Variants in LPCAT1 observed in about 807,000 individuals in gnomAD.
LPCAT1 encodes lysophosphatidylcholine acyltransferase 1.
A neutral mutation model predicts 60.9 loss-of-function variants in LPCAT1; 23 were observed. That is an observed-to-expected ratio of 0.38 (90% CI 0.27 to 0.53). The LOEUF (loss-of-function observed/expected upper bound fraction) is 0.53, where lower values mean the gene tolerates loss of function less well. Among genes scored for constraint, LPCAT1 ranks in the 20% least tolerant of loss-of-function variants. The probability of loss-of-function intolerance (pLI) is 0.82; values close to 1 mark genes in which losing one functional copy is unlikely to be tolerated. For synonymous variants in LPCAT1, 340 were observed against 301.1 expected (o/e 1.13, Z -1.34); for missense variants, 622 against 723.6 (o/e 0.86, Z 1.61).
At chr5:1,514,943 A>G (rs1736461518) in intron 1 of LPCAT1, among the ~76,000 whole-genome samples, 1 of 152,214 alleles carries the variant, frequency 6.6e-6, no homozygotes, top group Non-Finnish European at 1.5e-5. Flanking sequence ...CTGAGTAAAA[A>G]GAATCCTGAA....
chr5:1,476,645 C>G lies in LPCAT1; in HGVS notation c.899+759G>C, dbSNP rs1030260367. On this transcript the variant is annotated intron_variant, in intron 9 of 13. Coordinates refer to ENST00000283415, the MANE Select transcript of LPCAT1 (RefSeq NM_024830.5). The surrounding 1 kb of genome is among the most constrained non-coding windows in gnomAD (Gnocchi z 8.6). ...CTGCAGCTCAGGTCTGGCAGCCGCC[C>G]GGTGGAGGGGAGGCTCTAGCTCCAC... Among the ~76,000 whole-genome samples the G allele has an allele frequency of 6.6e-6, 1 of 152,090 alleles. No individual in the cohort carries two copies. Among genetic ancestry groups the G allele is most frequent in the South Asian group, 2.1e-4 (1 of 4,826 alleles).
rs1216833364 is a variant in LPCAT1 at position 1,481,371 on chromosome 5, C to T, written c.727-395G>A. Among the ~76,000 whole-genome samples, 1 of 152,238 alleles carries T rather than the reference C, an allele frequency of 6.6e-6. No homozygotes were observed. Among genetic ancestry groups the T allele is most frequent in the African/African-American group, 2.4e-5 (1 of 41,456 alleles). On this transcript the variant is annotated intron_variant, in intron 6 of 13. Coordinates refer to ENST00000283415, the MANE Select transcript of LPCAT1 (RefSeq NM_024830.5). The surrounding 1 kb of genome is among the most constrained non-coding windows in gnomAD (Gnocchi z 7.8). ...ACCTGGGGACACCAATTCCAGTGTG[C>T]ACCCGGGACCCCGGCCCTCTCCTGC...
At chr5:1,482,048 G>A (rs1399002046) in intron 6 of LPCAT1, among the ~76,000 whole-genome samples, 5 of 152,172 alleles carry the variant, frequency 3.3e-5, no homozygotes, top group Non-Finnish European at 7.3e-5. Context: ...TGCTATAGAC[G>A]GGAAGCTCGC....
intron 1 of LPCAT1, among the ~76,000 whole-genome samples, chr5:1,504,904 G>A (rs982228160): frequency 2.0e-5 from 3 of 152,252 alleles, no homozygotes; most frequent in Non-Finnish European, 4.4e-5. Context: ...GCCTGCTTCA[G>A]TCCACCTCTG....
Position 1,470,699 on chromosome 5 carries a change from G to A in LPCAT1, c.1278+127C>T, listed in dbSNP as rs527766048. On this transcript the variant is annotated intron_variant, in intron 12 of 13. Coordinates refer to ENST00000283415, the MANE Select transcript of LPCAT1 (RefSeq NM_024830.5). ...ACAACAGCTAGCATAAAAAGCTTAC[G>A]TAAAAATAGCAGTTGGGCAAATGAT... is the stretch of plus-strand genomic sequence containing the variant. 10 of 647,460 alleles carry A rather than the reference G, an allele frequency of 1.5e-5. No homozygotes were observed. In the South Asian group the frequency reaches 1.8e-4, roughly 12 times the overall value. The allele number at this position is 647,460 out of a possible 1,614,324, so 40.1% of individuals were successfully genotyped here.
rs1452474847 is a variant in LPCAT1, at chr5:1,463,383, C to T, written c.*268G>A. The T allele has an allele frequency of 3.7e-5, 17 of 462,572 alleles. No individual in the cohort carries two copies. The highest frequency in any genetic ancestry group is 7.7e-5 in the Admixed American group (2 of 25,818). 28.7% of individuals were successfully genotyped at this position (462,572 alleles called of 1,614,324 possible). A position where few individuals can be genotyped will look rare whatever the true frequency, so the allele number is the denominator to read the frequency against. Reference sequence around the variant, plus strand: ...AACACGGGGCGGCACCGGTGCCCCCCGCCCGGCAGGGAACCTGACCCCACG... The same window carrying T: ...AACACGGGGCGGCACCGGTGCCCCCTGCCCGGCAGGGAACCTGACCCCACG... On this transcript the variant is annotated 3_prime_UTR_variant, in exon 14 of 14. Transcript: ENST00000283415.
At chr5:1,500,414 T>C (rs1735962656) in intron 2 of LPCAT1, among the ~76,000 whole-genome samples, 1 of 152,278 alleles carries the variant, frequency 6.6e-6, no homozygotes, top group African/African-American at 2.4e-5. Flanking sequence ...TGGTCTGTTT[T>C]GGATCTTTAG....
In LPCAT1 at chr5:1,477,650, C is replaced by T. The variant is rs1472356654; in HGVS notation, c.817-164G>A. Among the ~76,000 whole-genome samples, 1 of 152,054 alleles carries T rather than the reference C, an allele frequency of 6.6e-6. No homozygotes were observed. The highest frequency in any genetic ancestry group is 1.5e-5 in the Non-Finnish European group (1 of 67,926). ...CACGTGTGTGTACGCACACACACAC[C>T]CCCATGATGCATGAACTGCACACGT... is the stretch of plus-strand genomic sequence containing the variant. On this transcript the variant is annotated intron_variant, in intron 8 of 13. Transcript: ENST00000283415. The surrounding 1 kb of genome is among the most constrained non-coding windows in gnomAD (Gnocchi z 6.0).
intron 1 of LPCAT1, among the ~76,000 whole-genome samples, chr5:1,519,418 G>A (rs559201646): frequency 2.6e-5 from 4 of 152,346 alleles, no homozygotes; most frequent in Admixed American, 6.5e-5. Flanking sequence ...AGTCTTTTCC[G>A]ATTTTGAACC....
intron 2 of LPCAT1, among the ~76,000 whole-genome samples, 163 bp downstream of exon 2, chr5:1,501,298 C>T (rs946384965): frequency 1.3e-5 from 2 of 152,128 alleles, no homozygotes; most frequent in East Asian, 1.9e-4. Context: ...GGGAGGTGGC[C>T]GAGTCCCCAC....
chr5:1,486,626 G>A (rs1219302836), intron 5 of LPCAT1, among the ~76,000 whole-genome samples: 1 of 152,110 alleles, frequency 6.6e-6, no homozygotes, highest in African/African-American at 2.4e-5. Flanking sequence ...GGCTCAAGGC[G>A]GGAGACGCTC....
chr5:1,518,626 C>A (rs1000180865), intron 1 of LPCAT1, among the ~76,000 whole-genome samples: 1 of 152,236 alleles, frequency 6.6e-6, no homozygotes, highest in African/African-American at 2.4e-5. Context: ...AGGCGTGAGC[C>A]GTTGCGCCCG....
At position 1,511,810 on chromosome 5, in the gene LPCAT1, A is replaced by C. The variant is rs1038552719; in HGVS notation, c.136-10207T>G. Among the ~76,000 whole-genome samples the C allele has an allele frequency of 2.0e-5, 3 of 152,182 alleles. No homozygotes were observed. The South Asian group carries it at 6.2e-4, about 31-fold the overall frequency. ...GGAGGGAGGTCCATCGAGCAGCCTC[A>C]TGCATCTGCACAGCAAAGCTGTGCA... On this transcript the variant is annotated intron_variant, in intron 1 of 13. Coordinates refer to ENST00000283415, the MANE Select transcript of LPCAT1 (RefSeq NM_024830.5).
chr5:1,463,201 C>A lies in LPCAT1; in HGVS notation c.*450G>T, dbSNP rs1734174900. 1 of 159,474 alleles carries A rather than the reference C, an allele frequency of 6.3e-6. No homozygotes were observed. Among genetic ancestry groups the A allele is most frequent in the African/African-American group, 2.4e-5 (1 of 41,728 alleles). 9.9% of individuals were successfully genotyped at this position (159,474 alleles called of 1,614,324 possible). A position where few individuals can be genotyped will look rare whatever the true frequency, so the allele number is the denominator to read the frequency against. On this transcript the variant is annotated 3_prime_UTR_variant, in exon 14 of 14. Transcript: ENST00000283415. ...CAGGTGACGGCTCGGCTCTGCCAGG[C>A]TGTGGATCCACAGAGGCAGACAGGT...
chr5:1,471,330 C>T (rs1734660025), intron 11 of LPCAT1, among the ~76,000 whole-genome samples: 1 of 152,222 alleles, frequency 6.6e-6, no homozygotes, highest in South Asian at 2.1e-4. Context: ...GGAGCTGTGA[C>T]GTGGAGCTAA....
rs180890952 is a variant in LPCAT1 at position 1,511,363 on chromosome 5, C to T, written c.136-9760G>A. 1.4e-4 allele frequency among the ~76,000 whole-genome samples: 21 copies of T among 152,190 alleles called. No homozygotes were observed. The East Asian group carries it at 2.9e-3, about 21-fold the overall frequency. On this transcript the variant is annotated intron_variant, in intron 1 of 13. Coordinates refer to ENST00000283415, the MANE Select transcript of LPCAT1 (RefSeq NM_024830.5). ...CTCAGGGGACACCACCTGCACGCCT[C>T]GCTCACCCTACGTGGGGACATCACC...
rs543253428 is a variant in LPCAT1 at position 1,466,384 on chromosome 5, C to T, written c.1420+365G>A. Among the ~76,000 whole-genome samples, 52 of 152,224 alleles carry T rather than the reference C, an allele frequency of 3.4e-4. No individual in the cohort carries two copies. The East Asian group carries it at 5.0e-3, about 15-fold the overall frequency. The stretch of plus-strand genomic sequence containing the variant: ...CCTCCCAGGAGAGGGGGGATGTGAG[C>T]CACACCCCGGCTGGCAGTGACAAAG... On this transcript the variant is annotated intron_variant, in intron 13 of 13. Coordinates refer to ENST00000283415, the MANE Select transcript of LPCAT1 (RefSeq NM_024830.5).
chr5:1,475,009 C>T (rs1288088390), intron 9 of LPCAT1, among the ~76,000 whole-genome samples: 6 of 152,216 alleles, frequency 3.9e-5, no homozygotes, highest in African/African-American at 1.4e-4. Flanking sequence ...CGAGAATTAC[C>T]AACATGTGAC....
intron 3 of LPCAT1, among the ~76,000 whole-genome samples, chr5:1,491,216 T>C (rs1310931928): frequency 1.0e-5 from 1 of 99,438 alleles, no homozygotes; most frequent in Non-Finnish European, 2.5e-5. Context: ...AAAAGGACGA[T>C]ATCGGAAGGG....
Sources: gnomAD v4.1 joint callset for allele counts (sites outside exome capture counted in the v4.1 genomes callset) on GRCh38, gnomAD v4.1.1 for gene constraint, Gnocchi (gnomAD v3.1) non-coding constraint, MANE v1.5 for transcripts, NCBI Gene and HGNC (gene_info 2026-07-23, HGNC 2026-07-21) for gene names.